SLC20A1: variants seen among roughly 807,000 people sequenced by gnomAD.
SLC20A1 encodes the protein sodium-dependent phosphate transporter 1.
Under a neutral mutation model 62.7 loss-of-function variants are expected in SLC20A1, and 28 were observed. The ratio of observed to expected loss-of-function variants is 0.45; its 90% CI spans 0.33 to 0.61. The LOEUF is 0.61. Among genes scored for constraint, SLC20A1 ranks in the 20% least tolerant of loss-of-function variants. The pLI is 0.02. For synonymous variants in SLC20A1, 305 were observed against 302.9 expected (o/e 1.01, Z -0.07); for missense variants, 673 against 838.6 (o/e 0.80, Z 2.44).
At chr2:112,652,486 T>G (rs988073717) in intron 4 of SLC20A1, 5 of 576,368 alleles carry the variant, frequency 8.7e-6, no homozygotes, top group African/African-American at 1.9e-5. Flanking sequence ...GTCTTGTTAT[T>G]AAAAGAAAAA....
chr2:112,661,012 C>T (rs1686734584), intron 9 of SLC20A1, 130 bp from the exon 10 acceptor site: 1 of 620,910 alleles, frequency 1.6e-6, no homozygotes, highest in African/African-American at 1.8e-5. Context: ...GGGGTTATAG[C>T]AAATAAAGAT....
At position 112,663,354 on chromosome 2, in the gene SLC20A1, ATTTT is replaced by A; in HGVS notation, c.*335_*338del. 1 of 353,122 alleles carries A rather than the reference ATTTT, an allele frequency of 2.8e-6. No homozygotes were observed. Among genetic ancestry groups the A allele is most frequent in the South Asian group, 2.3e-5 (1 of 42,950 alleles). 21.9% of individuals were successfully genotyped at this position (353,122 alleles called of 1,614,324 possible). A position where few individuals can be genotyped will look rare whatever the true frequency, so the allele number is the denominator to read the frequency against. On this transcript the variant is annotated 3_prime_UTR_variant, in exon 11 of 11. Transcript: ENST00000272542. The stretch of plus-strand genomic sequence containing the variant: ...ATGTTGTCTCTGAAGATGACTTGTG[ATTTT>A]TTTTTCTTTTTTTTAAACCATGAAG...
rs1263890161 is a variant in SLC20A1 at position 112,659,804 on chromosome 2, A to C, written c.1607+42A>C. 3 of 1,542,832 alleles carry C rather than the reference A, an allele frequency of 1.9e-6. No individual in the cohort carries two copies. In the Admixed American group the frequency reaches 5.4e-5, roughly 28 times the overall value. The stretch of plus-strand genomic sequence containing the variant: ...CTTAGTGTTGCTAACCCTATTTTTA[A>C]ACCATTTATCCTTGTCACAGGCCTG... On this transcript the variant is annotated intron_variant, in intron 8 of 10. Coordinates refer to ENST00000272542, the MANE Select transcript of SLC20A1 (RefSeq NM_005415.5).
intron 5 of SLC20A1, among the ~76,000 whole-genome samples, chr2:112,656,000 C>T (rs1017161850): frequency 2.0e-5 from 3 of 149,836 alleles, no homozygotes; most frequent in African/African-American, 7.4e-5. Context: ...TGTGCCTGGC[C>T]AGTGCTTTAC....
chr2:112,649,698 A>G (rs1412205024), intron 4 of SLC20A1, among the ~76,000 whole-genome samples: 1 of 152,240 alleles, frequency 6.6e-6, no homozygotes, highest in East Asian at 1.9e-4. Context: ...CATCGCACAG[A>G]AGGAATATGC....
Position 112,646,772 on chromosome 2 carries a change from T to C in SLC20A1, c.-57T>C. The C allele has an allele frequency of 8.7e-7, 1 of 1,154,414 alleles. No homozygotes were observed. Among genetic ancestry groups the C allele is most frequent in the Non-Finnish European group, 1.3e-6 (1 of 789,906 alleles). The allele number at this position is 1,154,414 out of a possible 1,614,324, so 71.5% of individuals were successfully genotyped here. The stretch of plus-strand genomic sequence containing the variant: ...CATTTTTGATACCTCATATTCTGTT[T>C]ACACATCTTGAAAGGCGCTCAGTAG... On this transcript the variant is annotated 5_prime_UTR_variant, in exon 2 of 11. Transcript: ENST00000272542.
intron 8 of SLC20A1, 75 bp downstream of exon 8, chr2:112,659,837 G>A (rs949095999): frequency 9.8e-6 from 13 of 1,328,208 alleles, no homozygotes; most frequent in Admixed American, 8.4e-5. Flanking sequence ...CTGTGCTTGT[G>A]GTAGTGGTAC....
intron 4 of SLC20A1, 190 bp from the exon 5 acceptor site, chr2:112,652,512 T>G: frequency 3.4e-6 from 2 of 584,532 alleles, no homozygotes; most frequent in Non-Finnish European, 6.1e-6. Context: ...AAAAAACAGG[T>G]AGAAGTTGGA....
rs1009333755 is a variant in SLC20A1, at chr2:112,646,569, C to G, written c.-260C>G. On this transcript the variant is annotated 5_prime_UTR_variant, in exon 2 of 11. Coordinates refer to ENST00000272542, the MANE Select transcript of SLC20A1 (RefSeq NM_005415.5). ...TTTCCCCCCTCCCCCGCAGGATGAA[C>G]TTGCGTCCTTTCTCTTCTCCGCCAT... The G allele has an allele frequency of 3.6e-4, 62 of 173,760 alleles. No individual in the cohort carries two copies. In the Middle Eastern group the frequency reaches 7.4e-3, roughly 21 times the overall value. 10.8% of individuals were successfully genotyped at this position (173,760 alleles called of 1,614,324 possible).
intron 10 of SLC20A1, among the ~76,000 whole-genome samples, chr2:112,661,694 A>AC (rs1686753417): frequency 6.6e-6 from 1 of 151,930 alleles, no homozygotes; most frequent in African/African-American, 2.4e-5. Context: ...GATTATAGGC[A>AC]CCCGCCACCA....
intron 4 of SLC20A1, 184 bp from the exon 5 acceptor site, chr2:112,652,518 T>A: frequency 1.7e-6 from 1 of 587,830 alleles, no homozygotes; most frequent in Non-Finnish European, 3.0e-6. Flanking sequence ...CAGGTAGAAG[T>A]TGGAATTAGC....
At chr2:112,662,647 A>G (rs1305320355) in intron 10 of SLC20A1, among the ~76,000 whole-genome samples, 1 of 152,266 alleles carries the variant, frequency 6.6e-6, no homozygotes, top group Non-Finnish European at 1.5e-5. Flanking sequence ...GGGGAAAAGA[A>G]ATAGTTCTTG....
chr2:112,650,271 A>G (rs1478144974), intron 4 of SLC20A1, among the ~76,000 whole-genome samples: 2 of 151,800 alleles, frequency 1.3e-5, no homozygotes, highest in African/African-American at 4.8e-5. Flanking sequence ...AAGTCCCCAC[A>G]TAATGTCTTT....
In SLC20A1 at chr2:112,656,188, C is replaced by CTTT. The variant is rs367841545; in HGVS notation, c.659-911_659-909dup. On this transcript the variant is annotated intron_variant, in intron 5 of 10. Transcript: ENST00000272542. Reference sequence around the variant, plus strand: ...AACTTTGTGTGTGAGAAAGACAAAACTTTTTTTTTTTTTTTTTTTTTTTTT... The same window carrying CTTT: ...AACTTTGTGTGTGAGAAAGACAAAACTTTTTTTTTTTTTTTTTTTTTTTTTTTT... Among the ~76,000 whole-genome samples the CTTT allele has an allele frequency of 4.3e-4, 39 of 90,578 alleles. 1 individual carries two copies. Among genetic ancestry groups the CTTT allele is most frequent in the African/African-American group, 1.2e-3 (28 of 23,306 alleles). 59.4% of individuals were successfully genotyped at this position (90,578 alleles called of 152,430 possible).
At chr2:112,650,655 C>T (rs924129616) in intron 4 of SLC20A1, among the ~76,000 whole-genome samples, 31 of 151,274 alleles carry the variant, frequency 2.0e-4, no homozygotes, top group African/African-American at 6.1e-4. Flanking sequence ...AGCGAAGTCT[C>T]GCCTGTCACC....
chr2:112,648,036 C>T (rs977360978), intron 4 of SLC20A1, among the ~76,000 whole-genome samples: 3 of 152,156 alleles, frequency 2.0e-5, no homozygotes, highest in African/African-American at 7.2e-5. Context: ...GCTGTATACA[C>T]ATTATTTGTT....
At chr2:112,660,693 A>T in intron 9 of SLC20A1, 121 bp downstream of exon 9, 1 of 679,534 alleles carries the variant, frequency 1.5e-6, no homozygotes. Context: ...TGATGTTCTT[A>T]TTGTCATTGT....
At position 112,659,519 on chromosome 2, in the gene SLC20A1, C is replaced by G; in HGVS notation, c.1364C>G (p.Ser455Cys). The G allele has an allele frequency of 6.2e-7, 1 of 1,614,182 alleles. No individual in the cohort carries two copies. The highest frequency in any genetic ancestry group is 8.5e-7 in the Non-Finnish European group (1 of 1,180,038). ...AAGCTGACATGGCCTAATGCAGACT[C>G]CAAGAAGCGAATTCGAATGGACAGT... ...MEKLTWPNAD[S>C]KKRIRMDSYT... Residue 455 changes from serine (S) to cysteine (C), a missense_variant, in exon 8 of 11, where the codon TCC becomes TGC. Transcript: ENST00000272542.
chr2:112,653,541 C>T (rs1686496002), intron 5 of SLC20A1, among the ~76,000 whole-genome samples: 1 of 152,110 alleles, frequency 6.6e-6, no homozygotes, highest in South Asian at 2.1e-4. Flanking sequence ...TATACTGTGA[C>T]CCACTGGATG....
Sources: allele counts gnomAD v4.1 joint callset (sites outside exome capture counted in the v4.1 genomes callset), GRCh38; gene constraint gnomAD v4.1.1; transcripts MANE v1.5; gene names NCBI Gene and HGNC (gene_info 2026-07-23, HGNC 2026-07-21).